LHFPL3: variants seen among roughly 807,000 people sequenced by gnomAD.
LHFPL3 encodes the protein LHFPL tetraspan subfamily member 3, also known as LHFPL tetraspan subfamily member 3 protein.
In LHFPL3, 5 loss-of-function variants were observed where a neutral mutation model predicts 19.3. The observed-to-expected ratio is 0.26, with a 90% CI of 0.14 to 0.54. The LOEUF (loss-of-function observed/expected upper bound fraction) is 0.54. Ranked by LOEUF, LHFPL3 falls within the 20% of genes least tolerant of loss-of-function variation. LHFPL3 has a pLI of 0.94. For synonymous variants in LHFPL3, 133 were observed against 126.2 expected (o/e 1.05, Z -0.36); for missense variants, 249 against 307.4 (o/e 0.81, Z 1.42).
intron 1 of LHFPL3, among the ~76,000 whole-genome samples, chr7:104,677,694 A>G (rs1424951101): frequency 4.6e-5 from 7 of 152,216 alleles, no homozygotes; most frequent in African/African-American, 1.7e-4. Context: ...TTCCGTATCT[A>G]TGCTGTCCAG....
chr7:104,759,158 C>T (rs757743910), intron 2 of LHFPL3, among the ~76,000 whole-genome samples: 8 of 152,244 alleles, frequency 5.3e-5, no homozygotes, highest in Admixed American at 2.6e-4. Context: ...ATTTCCTGAA[C>T]GCTGACTTTT....
intron 1 of LHFPL3, among the ~76,000 whole-genome samples, chr7:104,666,509 A>ATTT (rs1315147894): frequency 2.3e-5 from 1 of 44,162 alleles, no homozygotes; most frequent in African/African-American, 7.2e-5. Context: ...ACAGGATTTC[A>ATTT]TTCTTTTTTT....
intron 2 of LHFPL3, among the ~76,000 whole-genome samples, chr7:104,858,057 T>G (rs1418952788): frequency 6.6e-6 from 1 of 152,200 alleles, no homozygotes; most frequent in Admixed American, 6.5e-5. Context: ...ATATAAAAAC[T>G]GTGTACAGAG....
At chr7:104,557,532 C>G (rs537995546) in intron 1 of LHFPL3, among the ~76,000 whole-genome samples, 1 of 152,252 alleles carries the variant, frequency 6.6e-6, no homozygotes, top group Non-Finnish European at 1.5e-5. Context: ...TCTCCCACAA[C>G]ACATGGGAAT....
intron 1 of LHFPL3, among the ~76,000 whole-genome samples, chr7:104,671,532 GTT>G (rs1222847138): frequency 7.1e-6 from 1 of 140,098 alleles, no homozygotes; most frequent in Non-Finnish European, 1.5e-5. Context: ...TGGGTTGTGG[GTT>G]TTTTGTTTTC....
intron 2 of LHFPL3, among the ~76,000 whole-genome samples, chr7:104,801,603 G>A (rs749092027): frequency 6.6e-6 from 1 of 152,024 alleles, no homozygotes; most frequent in Non-Finnish European, 1.5e-5. Context: ...TGGAGTCTCG[G>A]TCTATTGCCC....
chr7:104,396,460 T>G (rs1450231523), intron 1 of LHFPL3, among the ~76,000 whole-genome samples: 6 of 151,022 alleles, frequency 4.0e-5, no homozygotes, highest in African/African-American at 1.5e-4. Context: ...GAAAGCAGAG[T>G]GGGGCCAGTG....
intron 1 of LHFPL3, among the ~76,000 whole-genome samples, chr7:104,675,942 TCAGG>T (rs1305168737): frequency 6.6e-6 from 1 of 152,162 alleles, no homozygotes; most frequent in East Asian, 1.9e-4. Flanking sequence ...CAGATAGACA[TCAGG>T]AAGCCCTCAG....
At chr7:104,397,963 T>C (rs1791225681) in intron 1 of LHFPL3, among the ~76,000 whole-genome samples, 1 of 152,166 alleles carries the variant, frequency 6.6e-6, no homozygotes, top group South Asian at 2.1e-4. Flanking sequence ...TTTCTCATGA[T>C]AGACAGGGTG....
chr7:104,358,341 A>T (rs1447305241), intron 1 of LHFPL3, among the ~76,000 whole-genome samples: 1 of 152,318 alleles, frequency 6.6e-6, no homozygotes, highest in East Asian at 1.9e-4. Context: ...TATAAAAAAT[A>T]ATCAGATTTT....
intron 1 of LHFPL3, among the ~76,000 whole-genome samples, chr7:104,345,465 C>T (rs1790047447): frequency 6.6e-6 from 1 of 152,070 alleles, no homozygotes; most frequent in Admixed American, 6.6e-5. Flanking sequence ...TAGCCACTAC[C>T]ACTTTTGGGA....
intron 2 of LHFPL3, among the ~76,000 whole-genome samples, chr7:104,837,292 T>C (rs1445910662): frequency 6.6e-6 from 1 of 152,204 alleles, no homozygotes; most frequent in East Asian, 1.9e-4. Flanking sequence ...ACGTCTGATC[T>C]ACCCTAGAGC....
chr7:104,455,656 G>A (rs1792524317), intron 1 of LHFPL3, among the ~76,000 whole-genome samples: 1 of 152,162 alleles, frequency 6.6e-6, no homozygotes, highest in Non-Finnish European at 1.5e-5. Context: ...GGGAGGTTGA[G>A]GTTGCAGTGA....
intron 1 of LHFPL3, among the ~76,000 whole-genome samples, chr7:104,557,358 A>C (rs1178171499): frequency 6.6e-6 from 1 of 152,216 alleles, no homozygotes; most frequent in Non-Finnish European, 1.5e-5. Context: ...AAGGAGGATC[A>C]AGTCACGTTT....
At chr7:104,532,318 C>CTTTTTTTTTTTTTTTTTTTTTTTTTTT (rs71155504) in intron 1 of LHFPL3, among the ~76,000 whole-genome samples, 1 of 87,230 alleles carries the variant, frequency 1.1e-5, no homozygotes, top group Non-Finnish European at 2.1e-5. Context: ...TTCTTTCTGT[C>CTTTTTTTTTTTTTTTTTTTTTTTTTTT]TTTTTTTTTT....
intron 2 of LHFPL3, among the ~76,000 whole-genome samples, chr7:104,781,299 C>T (rs1794711598): frequency 6.6e-6 from 1 of 152,154 alleles, no homozygotes; most frequent in South Asian, 2.1e-4. Flanking sequence ...GAGAAATAAG[C>T]ACCATCAGAT....
intron 1 of LHFPL3, chr7:104,668,679 G>T: frequency 1.2e-6 from 2 of 1,608,520 alleles, no homozygotes; most frequent in South Asian, 2.2e-5. Context: ...CTCCAGAGAT[G>T]ATTACTCTCG....
intron 1 of LHFPL3, among the ~76,000 whole-genome samples, chr7:104,534,865 T>A (rs1324685833): frequency 1.3e-5 from 2 of 152,178 alleles, no homozygotes; most frequent in Non-Finnish European, 2.9e-5. Context: ...TATATATTTC[T>A]TAAATTGTAG....
chr7:104,786,313 A>G (rs1422667330), intron 2 of LHFPL3, among the ~76,000 whole-genome samples: 1 of 152,252 alleles, frequency 6.6e-6, no homozygotes, highest in Non-Finnish European at 1.5e-5. Flanking sequence ...CTTTAATTTT[A>G]TCAAACTAGC....
Sources: gnomAD v4.1 joint callset for allele counts (sites outside exome capture counted in the v4.1 genomes callset) on GRCh38, gnomAD v4.1.1 for gene constraint, MANE v1.5 for transcripts, NCBI Gene and HGNC (gene_info 2026-07-23, HGNC 2026-07-21) for gene names.